KHDRBS2: variants seen among roughly 807,000 people sequenced by gnomAD.
The protein encoded by KHDRBS2 is KH RNA binding domain containing, signal transduction associated 2.
KHDRBS2 carries 26 observed loss-of-function variants against 44.3 expected under a neutral mutation model. The ratio of observed to expected loss-of-function variants is 0.59; its 90% CI spans 0.43 to 0.81. The LOEUF (loss-of-function observed/expected upper bound fraction) is 0.81, where lower values mean the gene tolerates loss of function less well. Among genes scored for constraint, KHDRBS2 ranks in the 40% least tolerant of loss-of-function variants. KHDRBS2 has a pLI of 0.00. For missense variants in KHDRBS2, 476 were observed against 433.1 expected (o/e 1.10, Z -0.88); for synonymous variants, 194 against 151.1 (o/e 1.28, Z -2.08).
rs1299478296 is a variant in KHDRBS2, at chr6:61,763,234, C to A, written c.811-30470G>T. 2.2e-4 allele frequency among the ~76,000 whole-genome samples: 33 copies of A among 152,148 alleles called. 1 individual carries two copies. The highest frequency in any genetic ancestry group is 2.9e-5 in the Non-Finnish European group (2 of 68,028). ...GACAGTAAGGGTGTTTGTTTGATCACTAGAGTGTTCTTCCACCTTGGGGAT... is the reference window on the plus strand; with the variant it reads ...GACAGTAAGGGTGTTTGTTTGATCAATAGAGTGTTCTTCCACCTTGGGGAT... On this transcript the variant is annotated intron_variant, in intron 6 of 8. Coordinates refer to ENST00000281156, the MANE Select transcript of KHDRBS2 (RefSeq NM_152688.4).
At chr6:61,863,894 C>T (rs1210280831) in intron 6 of KHDRBS2, among the ~76,000 whole-genome samples, 1 of 152,036 alleles carries the variant, frequency 6.6e-6, no homozygotes, top group Admixed American at 6.6e-5. Context: ...TTAAAGTCTC[C>T]AACTATTATT....
chr6:61,678,512 C>T (rs149732516), downstream of KHDRBS2, among the ~76,000 whole-genome samples: 68 of 152,032 alleles, frequency 4.5e-4, no homozygotes, highest in East Asian at 0.013. Context: ...CCTGTCCCTT[C>T]CCTTTATTTT....
chr6:61,578,393 A>G, the KHDRBS2 span, among the ~76,000 whole-genome samples: 1 of 152,178 alleles, frequency 6.6e-6, no homozygotes, highest in African/African-American at 2.4e-5. Flanking sequence ...TCATGATTGC[A>G]TTTGGAATTG....
At chr6:61,827,580 A>G (rs1791102103) in intron 6 of KHDRBS2, among the ~76,000 whole-genome samples, 1 of 152,112 alleles carries the variant, frequency 6.6e-6, no homozygotes, top group Non-Finnish European at 1.5e-5. Context: ...TCTGGGGTAT[A>G]TATTTGTCCA....
the KHDRBS2 span, among the ~76,000 whole-genome samples, chr6:61,605,123 C>T: frequency 7.9e-5 from 12 of 152,148 alleles, no homozygotes; most frequent in Non-Finnish European, 1.5e-4. Context: ...CGAATTCGGG[C>T]CTGTCCTCGG....
chr6:62,200,328 T>G (rs367677713), intron 1 of KHDRBS2, among the ~76,000 whole-genome samples: 4 of 152,056 alleles, frequency 2.6e-5, no homozygotes, highest in Non-Finnish European at 4.4e-5. Flanking sequence ...ATTTCTGCAA[T>G]CTACTCATCT....
intron 7 of KHDRBS2, among the ~76,000 whole-genome samples, chr6:61,712,442 C>G (rs1186137827): frequency 6.6e-6 from 1 of 151,750 alleles, no homozygotes; most frequent in East Asian, 1.9e-4. Flanking sequence ...CCAATGTATG[C>G]AAATGGAGAT....
In KHDRBS2 at chr6:61,680,996, C is replaced by T. The variant is rs372939066; in HGVS notation, c.1017G>A (p.Gly339=). 2 of 1,611,634 alleles carry T rather than the reference C, an allele frequency of 1.2e-6. No homozygotes were observed. The highest frequency in any genetic ancestry group is 1.7e-6 in the Non-Finnish European group (2 of 1,178,568). The change falls in exon 9 of 9, where the codon GGG becomes GGA. Residue 339 remains glycine, a synonymous_variant. Transcript: ENST00000281156. ...TACCATAGGGGTGTTCCCTGTATCC[C>T]CCTCTGGCTGACCTTTGCGGTGGTG... The part of the protein sequence containing the change: ...LKAPPQRSAR[G]GYREHPYGRY
Position 62,116,548 on chromosome 6 carries a change from A to G in KHDRBS2, c.219+60637T>C, listed in dbSNP as rs141893968. ...TTTTGATATATGTATATAATGTGTA[A>G]TGATCAATTCAAGGTAATTAGAATA... On this transcript the variant is annotated intron_variant, in intron 2 of 8. Transcript: ENST00000281156. Among the ~76,000 whole-genome samples the G allele has an allele frequency of 2.9e-3, 440 of 152,288 alleles. 2 individuals are homozygous for G. Among genetic ancestry groups the G allele is most frequent in the South Asian group, 6.2e-3 (30 of 4,824 alleles).
chr6:61,607,520 C>CAAAAAAAAAAAAAAAAAAAAAAAAA, the KHDRBS2 span, among the ~76,000 whole-genome samples: 4 of 41,098 alleles, frequency 9.7e-5, 1 homozygote, highest in Non-Finnish European at 1.6e-4. Context: ...GAGTTCCAAG[C>CAAAAAAAAAAAAAAAAAAAAAAAAA]AAAAAAAAAA....
At chr6:61,798,405 C>G (rs1785726007) in intron 6 of KHDRBS2, among the ~76,000 whole-genome samples, 1 of 152,036 alleles carries the variant, frequency 6.6e-6, no homozygotes, top group Non-Finnish European at 1.5e-5. Flanking sequence ...AGACCACATT[C>G]TTTACCAATA....
intron 4 of KHDRBS2, among the ~76,000 whole-genome samples, chr6:61,961,042 T>C (rs2795988): frequency 0.66 from 99,896 of 151,954 alleles, 33,002 homozygotes; most frequent in African/African-American, 0.73. Context: ...AGACTGAAGT[T>C]AGTCCACAGC....
intron 2 of KHDRBS2, among the ~76,000 whole-genome samples, chr6:62,113,432 C>A (rs1331864190): frequency 6.6e-6 from 1 of 152,026 alleles, no homozygotes; most frequent in Non-Finnish European, 1.5e-5. Flanking sequence ...TTGGAGAAAT[C>A]ATTTTAGAGC....
chr6:62,159,820 C>G (rs1332841113), intron 2 of KHDRBS2, among the ~76,000 whole-genome samples: 1 of 152,078 alleles, frequency 6.6e-6, no homozygotes, highest in Non-Finnish European at 1.5e-5. Context: ...AATATATTTA[C>G]TACTCCTTAA....
At chr6:61,880,970 A>G (rs953703) in intron 6 of KHDRBS2, among the ~76,000 whole-genome samples, 49,797 of 151,782 alleles carry the variant, frequency 0.33, 8,543 homozygotes, top group African/African-American at 0.43. Flanking sequence ...TAACTAAAAA[A>G]TAAAAGGTAG....
intron 2 of KHDRBS2, among the ~76,000 whole-genome samples, chr6:62,096,840 C>G (rs949421184): frequency 6.6e-6 from 1 of 151,620 alleles, no homozygotes; most frequent in Non-Finnish European, 1.5e-5. Flanking sequence ...CTGATATAGG[C>G]ATTACAACAA....
chr6:61,565,055 A>G, the KHDRBS2 span, among the ~76,000 whole-genome samples: 1 of 152,108 alleles, frequency 6.6e-6, no homozygotes, highest in Non-Finnish European at 1.5e-5. Context: ...TGCCAAGAAC[A>G]CACATTAAGG....
intron 1 of KHDRBS2, among the ~76,000 whole-genome samples, chr6:62,219,877 T>C (rs993330714): frequency 8.1e-5 from 12 of 147,736 alleles, no homozygotes; most frequent in African/African-American, 2.9e-4. Flanking sequence ...GTTTTATATA[T>C]ATAACTGTAT....
At chr6:61,705,651 T>C (rs1176368140) in intron 7 of KHDRBS2, among the ~76,000 whole-genome samples, 1 of 151,822 alleles carries the variant, frequency 6.6e-6, no homozygotes, top group Non-Finnish European at 1.5e-5. Context: ...CAGTATGATC[T>C]TGAGCTGATT....
Sources: gnomAD v4.1 joint callset for allele counts (sites outside exome capture counted in the v4.1 genomes callset) on GRCh38, gnomAD v4.1.1 for gene constraint, MANE v1.5 for transcripts, NCBI Gene and HGNC (gene_info 2026-07-23, HGNC 2026-07-21) for gene names.